The following FYB2 variants were observed in gnomAD, a reference collection of about 807,000 sequenced individuals.
The protein encoded by FYB2 is FYN binding protein 2, also known as FYN-binding protein 2.
In FYB2, 103 loss-of-function variants were observed where a neutral mutation model predicts 94.1. The ratio of observed to expected loss-of-function variants is 1.09; its 90% CI spans 0.93 to 1.29. FYB2 has a LOEUF of 1.29. FYB2 is among the 50% of genes most tolerant of loss of function. The pLI, the probability that FYB2 is intolerant of heterozygous loss-of-function variation, is 0.00. For missense variants in FYB2, 896 were observed against 841.5 expected (o/e 1.06, Z -0.80); for synonymous variants, 293 against 287.9 (o/e 1.02, Z -0.18).
At chr1:56,763,439 C>T (rs553720806) in intron 5 of FYB2, among the ~76,000 whole-genome samples, 2 of 152,200 alleles carry the variant, frequency 1.3e-5, no homozygotes, top group East Asian at 1.9e-4. Context: ...TTGAGAGTTA[C>T]AGGGCTAATC....
At chr1:56,741,699 C>T (rs571283760) in intron 12 of FYB2, among the ~76,000 whole-genome samples, 9 of 151,906 alleles carry the variant, frequency 5.9e-5, no homozygotes, top group Non-Finnish European at 1.2e-4. Context: ...TTCTTGATAA[C>T]ACTGAATCAC....
chr1:56,737,005 A>G, intron 15 of FYB2, 82 bp downstream of exon 15: 1 of 1,057,474 alleles, frequency 9.5e-7, no homozygotes, highest in East Asian at 2.5e-5. Flanking sequence ...ATCTGAAAAG[A>G]TGGTTCTGTG....
At chr1:56,753,992 T>G in intron 7 of FYB2, 57 bp from the exon 8 acceptor site, 1 of 1,050,388 alleles carries the variant, frequency 9.5e-7, no homozygotes, top group Non-Finnish European at 1.5e-6. Context: ...TAAATGATAG[T>G]GTACTGTCCA....
intron 9 of FYB2, among the ~76,000 whole-genome samples, chr1:56,750,677 T>TA (rs998816578): frequency 2.6e-5 from 4 of 151,766 alleles, no homozygotes; most frequent in African/African-American, 9.7e-5. Flanking sequence ...AGTATATATA[T>TA]AAAAAAAAGA....
chr1:56,758,120 G>T (rs35645665), intron 6 of FYB2, among the ~76,000 whole-genome samples: 4 of 152,078 alleles, frequency 2.6e-5, no homozygotes, highest in Non-Finnish European at 5.9e-5. Context: ...AAGTCTCAGA[G>T]AGGTGAAATG....
chr1:56,724,883 G>A (rs760962382), intron 16 of FYB2, among the ~76,000 whole-genome samples: 11 of 151,998 alleles, frequency 7.2e-5, no homozygotes, highest in Non-Finnish European at 1.0e-4. Flanking sequence ...GGCCTAATGG[G>A]AGATGTTTGG....
chr1:56,753,496 G>A (rs555557739), intron 8 of FYB2, among the ~76,000 whole-genome samples: 2 of 152,136 alleles, frequency 1.3e-5, no homozygotes, highest in East Asian at 3.9e-4. Flanking sequence ...TTCTAAGCAG[G>A]GCCTTAGGGC....
intron 10 of FYB2, 42 bp downstream of exon 10, chr1:56,744,110 C>G: frequency 6.2e-7 from 1 of 1,612,102 alleles, no homozygotes; most frequent in Admixed American, 1.7e-5. Flanking sequence ...CCTTTAAAGT[C>G]TCATCACATT....
intron 16 of FYB2, among the ~76,000 whole-genome samples, chr1:56,724,458 C>T (rs1293591866): frequency 1.3e-5 from 2 of 151,928 alleles, no homozygotes; most frequent in African/African-American, 4.8e-5. Context: ...TCCTAAGTGT[C>T]CCCTACATTT....
At position 56,751,147 on chromosome 1, in the gene FYB2, A is replaced by T. The variant is rs1302346389; in HGVS notation, c.1284T>A (p.Gly428=). ...GCTTTCCAGCCAACATGTTCCTTCT[A>T]CCTGTGTGGACGTTGGTCATCTGAA... ...EKIQMTNVHT[G]RRNMLAGKQE... is the part of the protein sequence containing the mutation. Residue 428 remains glycine (G), a synonymous_variant, in exon 9 of 20, where the codon GGT becomes GGA. Transcript: ENST00000343433. 1 of 1,612,522 alleles carries T rather than the reference A, an allele frequency of 6.2e-7. No homozygotes were observed. Among genetic ancestry groups the T allele is most frequent in the East Asian group, 2.2e-5 (1 of 44,822 alleles).
intron 9 of FYB2, among the ~76,000 whole-genome samples, chr1:56,750,346 TA>T (rs1422578282): frequency 1.3e-5 from 2 of 152,026 alleles, no homozygotes; most frequent in Non-Finnish European, 2.9e-5. Context: ...AGAAATGCTT[TA>T]TTCCAGATCC....
intron 6 of FYB2, among the ~76,000 whole-genome samples, chr1:56,758,106 A>G (rs1480270769): frequency 6.6e-6 from 1 of 152,012 alleles, no homozygotes; most frequent in African/African-American, 2.4e-5. Context: ...TAGAGGACAC[A>G]TCTAAGTCTC....
intron 16 of FYB2, among the ~76,000 whole-genome samples, chr1:56,725,729 A>G (rs534631280): frequency 6.6e-5 from 10 of 152,094 alleles, no homozygotes; most frequent in Non-Finnish European, 1.3e-4. Context: ...GGGCCATCCA[A>G]TGCCATCCTC....
intron 5 of FYB2, among the ~76,000 whole-genome samples, chr1:56,760,120 A>C (rs530364767): frequency 2.0e-5 from 3 of 151,860 alleles, no homozygotes; most frequent in African/African-American, 7.2e-5. Flanking sequence ...CTAGCAGAAC[A>C]CTGGACATTG....
intron 15 of FYB2, among the ~76,000 whole-genome samples, chr1:56,730,182 A>G (rs1644674467): frequency 6.6e-6 from 1 of 151,628 alleles, no homozygotes; most frequent in African/African-American, 2.4e-5. Flanking sequence ...ATAAAGATCA[A>G]AGCTGACATA....
In FYB2 at chr1:56,788,976, C is replaced by G. The variant is rs1168807945; in HGVS notation, c.916G>C (p.Glu306Gln). ...AGGGCCCTGTGCATTTCCTTACCTT[C>G]CCCCTGAGTCTTGGGAACAGCAGCT... is the stretch of plus-strand genomic sequence containing the variant. ...QPAAVPKTQGEVTVEEGSLSP... is the reference protein window; with the variant it reads ...QPAAVPKTQGQVTVEEGSLSP... Residue 306 changes from glutamate (E) to glutamine (Q), a missense_variant, in exon 3 of 20, where the codon GAA becomes CAA. Transcript: ENST00000343433. 3 of 1,613,822 alleles carry G rather than the reference C, an allele frequency of 1.9e-6. No homozygotes were observed. The highest frequency in any genetic ancestry group is 2.7e-5 in the African/African-American group (2 of 74,888).
intron 4 of FYB2, among the ~76,000 whole-genome samples, chr1:56,784,677 G>A (rs1412883412): frequency 2.0e-5 from 3 of 151,952 alleles, no homozygotes; most frequent in African/African-American, 7.3e-5. Flanking sequence ...CCTTTTGTCT[G>A]TTTATTTCCT....
chr1:56,808,700 A>G (rs1340008322), intron 1 of FYB2, among the ~76,000 whole-genome samples: 3 of 152,184 alleles, frequency 2.0e-5, no homozygotes, highest in African/African-American at 7.2e-5. Context: ...TGCTAGCTTT[A>G]AAGAGAAACT....
Position 56,755,900 on chromosome 1 carries a change from G to A in FYB2, c.1126C>T (p.Pro376Ser). Residue 376 changes from proline (P) to serine (S), a missense_variant, in exon 7 of 20, where the codon CCT (proline) becomes TCT (serine). Transcript: ENST00000343433. Reference sequence around the variant, plus strand: ...CTTTTGAAAGATAAAACTCACCTAGGTTCTGGATAGGGAAAATTCTTCCCA... The same window carrying A: ...CTTTTGAAAGATAAAACTCACCTAGATTCTGGATAGGGAAAATTCTTCCCA... ...KPGKNFPYPEPSAKHEDKKMK... is the reference protein window; with the variant it reads ...KPGKNFPYPESSAKHEDKKMK... The A allele has an allele frequency of 6.2e-7, 1 of 1,608,292 alleles. No individual in the cohort carries two copies. Among genetic ancestry groups the A allele is most frequent in the Non-Finnish European group, 8.5e-7 (1 of 1,175,364 alleles).
Sources: allele counts gnomAD v4.1 joint callset (sites outside exome capture counted in the v4.1 genomes callset), GRCh38; gene constraint gnomAD v4.1.1; transcripts MANE v1.5; gene names NCBI Gene and HGNC (gene_info 2026-07-23, HGNC 2026-07-21).